ULK4: variants seen among roughly 807,000 people sequenced by gnomAD.
ULK4 encodes the protein inactive serine/threonine-protein kinase ULK4.
In ULK4, 133 loss-of-function variants were observed where a neutral mutation model predicts 160.6. The observed-to-expected ratio is 0.83, with a 90% CI of 0.72 to 0.96. The LOEUF is 0.96. Among genes scored for constraint, ULK4 ranks in the 40% least tolerant of loss-of-function variants. ULK4 has a pLI of 0.00. For synonymous variants in ULK4, 534 were observed against 539.8 expected (o/e 0.99, Z 0.15); for missense variants, 1,580 against 1,499.5 (o/e 1.05, Z -0.89).
At chr3:41,425,676 G>A (rs2082761828) in intron 34 of ULK4, among the ~76,000 whole-genome samples, 1 of 152,136 alleles carries the variant, frequency 6.6e-6, no homozygotes. Context: ...TATCTGGCCA[G>A]ACTAAGCTCA....
chr3:41,678,217 C>T (rs978169366), intron 29 of ULK4, among the ~76,000 whole-genome samples: 21 of 151,096 alleles, frequency 1.4e-4, no homozygotes, highest in Admixed American at 4.6e-4. Context: ...CACACACACA[C>T]ACACACACAG....
chr3:41,347,841 C>T (rs1450325098), intron 35 of ULK4, among the ~76,000 whole-genome samples: 1 of 152,116 alleles, frequency 6.6e-6, no homozygotes, highest in African/African-American at 2.4e-5. Flanking sequence ...AGCATCAGTA[C>T]CTGTTACTTG....
At chr3:41,502,048 T>C (rs567658680) in intron 32 of ULK4, among the ~76,000 whole-genome samples, 1 of 152,362 alleles carries the variant, frequency 6.6e-6, no homozygotes, top group African/African-American at 2.4e-5. Context: ...AAAGGCTGAA[T>C]AGTATTCCAT....
intron 31 of ULK4, among the ~76,000 whole-genome samples, chr3:41,579,485 A>ATTTT (rs59650826): frequency 2.3e-5 from 2 of 85,180 alleles, no homozygotes; most frequent in Non-Finnish European, 2.3e-5. Context: ...TGGAACTAAT[A>ATTTT]TTTTTTTTTT....
intron 21 of ULK4, among the ~76,000 whole-genome samples, chr3:41,767,286 G>C (rs1243640884): frequency 1.3e-5 from 2 of 152,040 alleles, no homozygotes; most frequent in African/African-American, 4.8e-5. Flanking sequence ...AGAGACAAAA[G>C]AAAAATCATC....
At chr3:41,470,042 A>AAAAAAAAAAAAAT (rs2083944680) in intron 32 of ULK4, among the ~76,000 whole-genome samples, 1 of 140,332 alleles carries the variant, frequency 7.1e-6, no homozygotes, top group African/African-American at 2.7e-5. Flanking sequence ...AAAAAAAAAA[A>AAAAAAAAAAAAAT]AAAACAAAGT....
At chr3:41,302,559 G>A (rs902058724) in intron 35 of ULK4, among the ~76,000 whole-genome samples, 2 of 152,168 alleles carry the variant, frequency 1.3e-5, no homozygotes, top group African/African-American at 4.8e-5. Flanking sequence ...TGAAAACTCC[G>A]CATGTTGTAA....
chr3:41,775,049 A>T (rs113722150), intron 21 of ULK4, among the ~76,000 whole-genome samples: 17,678 of 136,910 alleles, frequency 0.13, 1,374 homozygotes, highest in Middle Eastern at 0.25. Context: ...AGGAAGGGGA[A>T]CATCACATAC....
chr3:41,489,526 C>T (rs1041702295), intron 32 of ULK4, among the ~76,000 whole-genome samples: 1 of 152,184 alleles, frequency 6.6e-6, no homozygotes, highest in Non-Finnish European at 1.5e-5. Context: ...TGCAATGAAC[C>T]AAGGTGCAAC....
At chr3:41,411,966 G>A (rs1295458941) in intron 34 of ULK4, among the ~76,000 whole-genome samples, 1 of 152,088 alleles carries the variant, frequency 6.6e-6, no homozygotes, top group Non-Finnish European at 1.5e-5. Flanking sequence ...CCTACCTGAA[G>A]CTCCACCCAG....
At chr3:41,376,795 A>C (rs11486567) in intron 35 of ULK4, among the ~76,000 whole-genome samples, 5,714 of 149,956 alleles carry the variant, frequency 0.038, 634 homozygotes, top group African/African-American at 0.12. Flanking sequence ...AATGGCCATA[A>C]TACCCAAGGT....
chr3:41,728,874 T>C (rs2037736166), intron 22 of ULK4, among the ~76,000 whole-genome samples: 1 of 152,220 alleles, frequency 6.6e-6, no homozygotes, highest in Non-Finnish European at 1.5e-5. Context: ...ATATAATGTA[T>C]ATCCACTTGA....
intron 33 of ULK4, among the ~76,000 whole-genome samples, chr3:41,460,032 C>CGAG (rs1559618925): frequency 6.6e-6 from 1 of 152,050 alleles, no homozygotes; most frequent in Non-Finnish European, 1.5e-5. Flanking sequence ...TGAAGGCCAA[C>CGAG]GAGGGGAAGG....
At chr3:41,690,846 G>C (rs1359867096) in intron 27 of ULK4, among the ~76,000 whole-genome samples, 2 of 151,748 alleles carry the variant, frequency 1.3e-5, no homozygotes, top group East Asian at 1.9e-4. Flanking sequence ...TATGCAAAAG[G>C]GGGGTACTTC....
intron 5 of ULK4, among the ~76,000 whole-genome samples, chr3:41,931,470 T>TAAAAAAAA (rs61500854): frequency 7.9e-6 from 1 of 126,998 alleles, no homozygotes; most frequent in Non-Finnish European, 1.7e-5. Flanking sequence ...CCCTAGAACT[T>TAAAAAAAA]AAAAAAAAAA....
At chr3:41,886,155 T>C (rs541665296) in intron 16 of ULK4, among the ~76,000 whole-genome samples, 113 of 152,326 alleles carry the variant, frequency 7.4e-4, no homozygotes, top group Non-Finnish European at 5.9e-4. Flanking sequence ...GAAAGTACCA[T>C]TGTGTCTGAC....
At chr3:41,669,313 GTA>G (rs1559473918) in intron 29 of ULK4, among the ~76,000 whole-genome samples, 1 of 152,024 alleles carries the variant, frequency 6.6e-6, no homozygotes, top group Non-Finnish European at 1.5e-5. Context: ...TGGCAAGATC[GTA>G]GCTCACTGCA....
intron 31 of ULK4, among the ~76,000 whole-genome samples, chr3:41,594,635 G>A (rs909494103): frequency 2.6e-5 from 4 of 152,230 alleles, no homozygotes; most frequent in Non-Finnish European, 1.5e-5. Context: ...AGAGATGCGA[G>A]GGACAGAAGT....
chr3:41,948,864 C>T (rs1700193420), intron 2 of ULK4, among the ~76,000 whole-genome samples: 1 of 151,708 alleles, frequency 6.6e-6, no homozygotes, highest in African/African-American at 2.4e-5. Flanking sequence ...AAGAAGTAGG[C>T]AAGAATGTCT....
Sources: gnomAD v4.1 joint callset for allele counts (sites outside exome capture counted in the v4.1 genomes callset) on GRCh38, gnomAD v4.1.1 for gene constraint, MANE v1.5 for transcripts, NCBI Gene and HGNC (gene_info 2026-07-23, HGNC 2026-07-21) for gene names.